The following STXBP6 variants were observed in gnomAD, a reference collection of about 807,000 sequenced individuals.
STXBP6 encodes the protein syntaxin-binding protein 6.
Under a neutral mutation model 26.9 loss-of-function variants are expected in STXBP6, and 21 were observed. The ratio of observed to expected loss-of-function variants is 0.78; its 90% confidence interval spans 0.55 to 1.12. STXBP6 has a LOEUF of 1.12. Ranked by LOEUF, STXBP6 falls within the 50% of genes most tolerant of loss-of-function variation. STXBP6 has a pLI of 0.00. For synonymous variants in STXBP6, 97 were observed against 92.6 expected (o/e 1.05, Z -0.27); for missense variants, 232 against 257.9 (o/e 0.90, Z 0.69).
intron 2 of STXBP6, among the ~76,000 whole-genome samples, chr14:24,894,541 T>C (rs1697441881): frequency 6.6e-6 from 1 of 152,166 alleles, no homozygotes; most frequent in Non-Finnish European, 1.5e-5. Context: ...AACTTAATGC[T>C]GATGAGAAGA....
At chr14:24,938,871 C>T (rs1232737409) in intron 2 of STXBP6, among the ~76,000 whole-genome samples, 1 of 152,098 alleles carries the variant, frequency 6.6e-6, no homozygotes, top group Non-Finnish European at 1.5e-5. Flanking sequence ...ATGTATTCAA[C>T]TTGCTCTATT....
intron 2 of STXBP6, among the ~76,000 whole-genome samples, chr14:24,883,674 C>CAA (rs11383745): frequency 0.29 from 44,185 of 151,582 alleles, 7,192 homozygotes; most frequent in East Asian, 0.44. Context: ...CTATTTATTA[C>CAA]AAAAAAAATG....
intron 1 of STXBP6, among the ~76,000 whole-genome samples, chr14:25,034,886 C>T (rs1040658040): frequency 1.2e-4 from 19 of 152,080 alleles, no homozygotes; most frequent in African/African-American, 4.3e-4. Context: ...TGTGGTGGCT[C>T]ACACCTATAA....
rs1384430925 is a variant in STXBP6 at position 24,915,068 on chromosome 14, T to G, written c.155-57911A>C. 2.0e-5 allele frequency among the ~76,000 whole-genome samples: 3 copies of G among 152,282 alleles called. No homozygotes were observed. In the East Asian group the frequency reaches 5.8e-4, roughly 29 times the overall value. On this transcript the variant is annotated intron_variant, in intron 2 of 5. Coordinates refer to ENST00000323944, the MANE Select transcript of STXBP6 (RefSeq NM_001394410.1). ...AGAGGAATCACAGATGAGGACAATT[T>G]GTCATGTTTCTCAGAGCTAACAAAA...
At chr14:25,036,855 C>CA (rs549439602) in intron 1 of STXBP6, among the ~76,000 whole-genome samples, 16,501 of 61,610 alleles carry the variant, frequency 0.27, 1,904 homozygotes, top group African/African-American at 0.37. Context: ...GACTCCGTCT[C>CA]AAAAAAAAAA....
chr14:24,964,647 C>G (rs1595204418), intron 2 of STXBP6, among the ~76,000 whole-genome samples: 2 of 140,128 alleles, frequency 1.4e-5, no homozygotes, highest in Non-Finnish European at 3.1e-5. Flanking sequence ...AGTTCTCATT[C>G]TGTGTGTGTG....
At chr14:24,990,595 T>C (rs539307632) in intron 1 of STXBP6, among the ~76,000 whole-genome samples, 1 of 143,438 alleles carries the variant, frequency 7.0e-6, no homozygotes, top group African/African-American at 2.7e-5. Context: ...GAGGCGGAGG[T>C]TGCAGTGAGT....
chr14:24,947,820 TCACTCTA>T (rs1320313410), intron 2 of STXBP6, among the ~76,000 whole-genome samples: 3 of 152,200 alleles, frequency 2.0e-5, no homozygotes, highest in African/African-American at 7.2e-5. Context: ...GGGAATGCCT[TCACTCTA>T]CATGCCACTT....
chr14:24,974,434 T>C (rs768890135), intron 2 of STXBP6, among the ~76,000 whole-genome samples: 1 of 152,182 alleles, frequency 6.6e-6, no homozygotes, highest in Non-Finnish European at 1.5e-5. Context: ...TTACGAAAGC[T>C]CTTAATGAAC....
At chr14:24,883,731 G>C (rs1387645365) in intron 2 of STXBP6, among the ~76,000 whole-genome samples, 1 of 152,124 alleles carries the variant, frequency 6.6e-6, no homozygotes, top group Non-Finnish European at 1.5e-5. Flanking sequence ...AGTTTCCACT[G>C]TGAAGATTTG....
At chr14:24,978,457 C>A (rs77586768) in intron 1 of STXBP6, among the ~76,000 whole-genome samples, 3 of 152,130 alleles carry the variant, frequency 2.0e-5, no homozygotes, top group African/African-American at 7.2e-5. Context: ...CTTTATCAAG[C>A]CTTACGTCTT....
intron 4 of STXBP6, among the ~76,000 whole-genome samples, chr14:24,826,256 C>A (rs1322424069): frequency 6.6e-6 from 1 of 152,160 alleles, no homozygotes; most frequent in Non-Finnish European, 1.5e-5. Flanking sequence ...AAATTACTTA[C>A]CCTGTTGTGC....
chr14:24,990,921 T>G (rs764170978), intron 1 of STXBP6, among the ~76,000 whole-genome samples: 8 of 139,480 alleles, frequency 5.7e-5, no homozygotes, highest in South Asian at 4.7e-4. Context: ...GGGGAGAGGA[T>G]GGAGGAGAGA....
chr14:24,983,604 T>C (rs962946077), intron 1 of STXBP6, among the ~76,000 whole-genome samples: 24 of 152,078 alleles, frequency 1.6e-4, no homozygotes, highest in African/African-American at 5.6e-4. Context: ...TAGAGGAGGG[T>C]ATGATTGATA....
At chr14:24,917,897 C>T (rs1004962188) in intron 2 of STXBP6, among the ~76,000 whole-genome samples, 6 of 151,856 alleles carry the variant, frequency 4.0e-5, no homozygotes, top group South Asian at 2.1e-4. Flanking sequence ...ATATCCTTGC[C>T]GGACTTCCTC....
rs1005557941 is a variant in STXBP6, at chr14:24,809,657, C to A, written c.*3052G>T. 4 of 152,166 alleles carry A rather than the reference C, an allele frequency of 2.6e-5. No homozygotes were observed. Among genetic ancestry groups the A allele is most frequent in the Admixed American group, 2.6e-4 (4 of 15,274 alleles). The allele number at this position is 152,166 out of a possible 1,614,324, so 9.4% of individuals were successfully genotyped here. ...ATAAATAACTGCAAGAAACAAATTT[C>A]ATCACAGAGTTAAAATATTTAATGA... On this transcript the variant is annotated 3_prime_UTR_variant, in exon 6 of 6. Coordinates refer to ENST00000323944, the MANE Select transcript of STXBP6 (RefSeq NM_001394410.1).
intron 2 of STXBP6, among the ~76,000 whole-genome samples, chr14:24,887,923 C>CT (rs568617259): frequency 0.011 from 1,626 of 152,306 alleles, 17 homozygotes; most frequent in Middle Eastern, 0.031. Context: ...CACTGCATTT[C>CT]TTTATTTTTG....
chr14:24,907,585 T>A (rs968015647), intron 2 of STXBP6, among the ~76,000 whole-genome samples: 2 of 152,174 alleles, frequency 1.3e-5, no homozygotes, highest in African/African-American at 4.8e-5. Context: ...CCATACTTTT[T>A]AATTTATTTT....
intron 2 of STXBP6, among the ~76,000 whole-genome samples, chr14:24,869,285 C>A (rs1408673155): frequency 6.6e-6 from 1 of 152,168 alleles, no homozygotes; most frequent in African/African-American, 2.4e-5. Context: ...AGCAGGCACA[C>A]CTGACTACCA....
Sources: gnomAD v4.1 joint callset for allele counts (sites outside exome capture counted in the v4.1 genomes callset) on GRCh38, gnomAD v4.1.1 for gene constraint, MANE v1.5 for transcripts, NCBI Gene and HGNC (gene_info 2026-07-23, HGNC 2026-07-21) for gene names.